The following SLC7A2 variants were observed in gnomAD, a reference collection of about 807,000 sequenced individuals.
The protein encoded by SLC7A2 is solute carrier family 7 member 2.
A neutral mutation model predicts 58.9 loss-of-function variants in SLC7A2; 48 were observed. The observed-to-expected ratio is 0.82, with a 90% CI of 0.65 to 1.04. The LOEUF (loss-of-function observed/expected upper bound fraction) is 1.04. SLC7A2 is among the 50% of genes least tolerant of loss of function. The probability of loss-of-function intolerance (pLI) is 0.00; values close to 1 mark genes in which losing one functional copy is unlikely to be tolerated. For missense variants in SLC7A2, 1,029 were observed against 818.8 expected (o/e 1.26, Z -3.13); for synonymous variants, 363 against 314.5 (o/e 1.15, Z -1.63).
At chr8:17,509,456 C>A (rs1800507711) in intron 2 of SLC7A2, among the ~76,000 whole-genome samples, 1 of 152,016 alleles carries the variant, frequency 6.6e-6, no homozygotes, top group African/African-American at 2.4e-5. Flanking sequence ...CAGGTGCCCA[C>A]CACCACACCT....
At chr8:17,507,604 T>C (rs1278318138) in intron 2 of SLC7A2, among the ~76,000 whole-genome samples, 1 of 152,236 alleles carries the variant, frequency 6.6e-6, no homozygotes, top group Non-Finnish European at 1.5e-5. Flanking sequence ...ATTACCCTTA[T>C]TTGATCATTG....
At position 17,548,685 on chromosome 8, in the gene SLC7A2, G is replaced by T. The variant is rs1027826736; in HGVS notation, c.540G>T (p.Leu180Phe). ...AATGCCCTTTTTCCATAGGTCTTTT[G>T]TCTTTTGGAGTAAAAGAGTCTGCTT... ...VCLILLLAGLLSFGVKESAWV... is the reference protein window; with the variant it reads ...VCLILLLAGLFSFGVKESAWV... Residue 180 changes from leucine to phenylalanine, a missense_variant, in exon 5 of 13, where the codon TTG becomes TTT. Physicochemically the swap from Leu to Phe is conservative, Grantham distance 22 (BLOSUM62 0). Transcript: ENST00000494857. 6.9e-6 allele frequency: 11 copies of T among 1,597,266 alleles called. No individual in the cohort carries two copies. The highest frequency in any genetic ancestry group is 9.4e-6 in the Non-Finnish European group (11 of 1,174,586).
chr8:17,497,430 G>T (rs1585168087), intron 1 of SLC7A2, among the ~76,000 whole-genome samples, 193 bp downstream of exon 1: 1 of 152,138 alleles, frequency 6.6e-6, no homozygotes, highest in East Asian at 1.9e-4. Context: ...CTTCGTCAGG[G>T]AGTCGGGGCC....
intron 2 of SLC7A2, among the ~76,000 whole-genome samples, chr8:17,539,339 G>A (rs1801811385): frequency 6.6e-6 from 1 of 152,060 alleles, no homozygotes. Context: ...AATGGGCGTG[G>A]GGCTAAGAAA....
chr8:17,527,759 A>T (rs1801277284), intron 2 of SLC7A2, among the ~76,000 whole-genome samples: 4 of 152,144 alleles, frequency 2.6e-5, no homozygotes, highest in Admixed American at 2.0e-4. Context: ...CACCAGTGTT[A>T]CTGGATTAGT....
At chr8:17,517,416 T>A (rs1800845611) in intron 2 of SLC7A2, among the ~76,000 whole-genome samples, 1 of 152,178 alleles carries the variant, frequency 6.6e-6, no homozygotes. Flanking sequence ...GGGTTAGAAA[T>A]GAACTGGATA....
intron 5 of SLC7A2, among the ~76,000 whole-genome samples, chr8:17,549,269 T>C (rs1425720092): frequency 6.6e-6 from 1 of 152,114 alleles, no homozygotes; most frequent in African/African-American, 2.4e-5. Flanking sequence ...CCAGAAGGCA[T>C]ATGTGGGTTT....
intron 2 of SLC7A2, among the ~76,000 whole-genome samples, chr8:17,542,745 T>A (rs983830799): frequency 6.6e-6 from 1 of 152,126 alleles, no homozygotes; most frequent in African/African-American, 2.4e-5. Context: ...TTCCTTGTAG[T>A]GAGAATGAAA....
rs916749392 is a variant in SLC7A2 at position 17,564,853 on chromosome 8, C to T, written c.1781-97C>T. On this transcript the variant is annotated intron_variant, in intron 12 of 12. Transcript: ENST00000494857. ...TAAAGTACTACAGAAAGGAAAGAGA[C>T]AAACTCTATTAAGTTCTACATTTTC... 3 of 1,040,446 alleles carry T rather than the reference C, an allele frequency of 2.9e-6. No homozygotes were observed. In the African/African-American group the frequency reaches 4.8e-5, roughly 17 times the overall value. The allele number at this position is 1,040,446 out of a possible 1,614,324, so 64.5% of individuals were successfully genotyped here.
At chr8:17,503,658 T>G (rs943412885) in intron 2 of SLC7A2, among the ~76,000 whole-genome samples, 1 of 152,152 alleles carries the variant, frequency 6.6e-6, no homozygotes, top group Non-Finnish European at 1.5e-5. Context: ...AAGGTACTTG[T>G]CCTGACAAAA....
chr8:17,522,378 A>G lies in SLC7A2; in HGVS notation c.-23+20076A>G, dbSNP rs564827739. Reference sequence around the variant, plus strand: ...GGAATTATGGGAGCTACAATTCAAGATGAGATTTGGGTGGGGACACAGCCA... The same window carrying G: ...GGAATTATGGGAGCTACAATTCAAGGTGAGATTTGGGTGGGGACACAGCCA... On this transcript the variant is annotated intron_variant, in intron 2 of 12. Coordinates refer to ENST00000494857, the MANE Select transcript of SLC7A2 (RefSeq NM_001370338.1). Among the ~76,000 whole-genome samples, 132 of 152,220 alleles carry G rather than the reference A, an allele frequency of 8.7e-4. 1 individual carries two copies. Among genetic ancestry groups the G allele is most frequent in the African/African-American group, 3.0e-3 (126 of 41,534 alleles).
At chr8:17,550,161 G>C in intron 5 of SLC7A2, 140 bp from the exon 6 acceptor site, 1 of 757,760 alleles carries the variant, frequency 1.3e-6, no homozygotes, top group Non-Finnish European at 2.1e-6. Context: ...GGGTGAGAGA[G>C]TAAAGTTTTA....
intron 5 of SLC7A2, among the ~76,000 whole-genome samples, chr8:17,549,294 G>T (rs912398199): frequency 6.6e-6 from 1 of 152,188 alleles, no homozygotes; most frequent in Non-Finnish European, 1.5e-5. Context: ...CTAGAGCAGT[G>T]GTTCTCAAAT....
chr8:17,533,285 C>T (rs1197543829), intron 2 of SLC7A2, among the ~76,000 whole-genome samples: 1 of 152,200 alleles, frequency 6.6e-6, no homozygotes, highest in Non-Finnish European at 1.5e-5. Context: ...AGAACCAAAT[C>T]AGAACGTGTT....
At chr8:17,532,195 A>C (rs1423119423) in intron 2 of SLC7A2, among the ~76,000 whole-genome samples, 5 of 129,704 alleles carry the variant, frequency 3.9e-5, no homozygotes, top group African/African-American at 1.5e-4. Context: ...GCGCCACTAC[A>C]CTCCAGCCTG....
chr8:17,495,435 C>CT (rs1467082054), upstream of SLC7A2, among the ~76,000 whole-genome samples: 1 of 152,130 alleles, frequency 6.6e-6, no homozygotes, highest in African/African-American at 2.4e-5. Flanking sequence ...CATAAGGAAT[C>CT]TTTTTTTGAC....
At chr8:17,510,179 C>T (rs944490207) in intron 2 of SLC7A2, among the ~76,000 whole-genome samples, 1 of 151,832 alleles carries the variant, frequency 6.6e-6, no homozygotes, top group Non-Finnish European at 1.5e-5. Context: ...AAGATAGCAC[C>T]GCTGCACTCC....
chr8:17,520,757 A>T, intron 2 of SLC7A2: 1 of 938,010 alleles, frequency 1.1e-6, no homozygotes, highest in South Asian at 4.9e-5. Context: ...TGAGAGGAAT[A>T]AAAGGGTATC....
chr8:17,506,098 A>G (rs1409302966), intron 2 of SLC7A2, among the ~76,000 whole-genome samples: 2 of 152,184 alleles, frequency 1.3e-5, no homozygotes, highest in Admixed American at 6.5e-5. Flanking sequence ...AATGCGTTGC[A>G]TTTGTGGCAT....
Sources: gnomAD v4.1 joint callset for allele counts (sites outside exome capture counted in the v4.1 genomes callset) on GRCh38, gnomAD v4.1.1 for gene constraint, MANE v1.5 for transcripts, NCBI Gene and HGNC (gene_info 2026-07-23, HGNC 2026-07-21) for gene names.